Variants in ACYP2 observed in about 807,000 individuals in gnomAD.
ACYP2 encodes acylphosphatase-2.
In ACYP2, 12 loss-of-function variants were observed where a neutral mutation model predicts 11.2. That is an observed-to-expected ratio of 1.08 (90% CI 0.69 to 1.74). The LOEUF (loss-of-function observed/expected upper bound fraction) is 1.74, where lower values mean the gene tolerates loss of function less well. Among genes scored for constraint, ACYP2 ranks in the 40% most tolerant of loss-of-function variants. ACYP2 has a pLI of 0.00. For missense variants in ACYP2, 134 were observed against 101.9 expected, an observed-to-expected ratio of 1.31 and a Z score of -1.35; for synonymous variants, 43 against 32.2, an observed-to-expected ratio of 1.33 and a Z score of -1.13.
At chr2:54,042,240 A>G (rs1675271032) in intron 2 of ACYP2, among the ~76,000 whole-genome samples, 1 of 152,196 alleles carries the variant, frequency 6.6e-6, no homozygotes, top group Non-Finnish European at 1.5e-5. Context: ...TCTCAACCTC[A>G]GGTGATCCCC....
chr2:54,165,500 GTC>G (rs1277632665), intron 6 of ACYP2, among the ~76,000 whole-genome samples: 1 of 121,518 alleles, frequency 8.2e-6, no homozygotes, highest in Non-Finnish European at 1.8e-5. Flanking sequence ...GTCTCTCTCT[GTC>G]TCTCTCTCTT....
At chr2:54,207,171 ATATGTGT>A (rs1685107886) in intron 6 of ACYP2, among the ~76,000 whole-genome samples, 18 of 68,490 alleles carry the variant, frequency 2.6e-4, no homozygotes, top group Admixed American at 2.2e-3. Flanking sequence ...TACAACATGT[ATATGTGT>A]GTGTGTGTGT....
At chr2:54,275,621 G>C (rs1688523711) in intron 6 of ACYP2, among the ~76,000 whole-genome samples, 1 of 152,200 alleles carries the variant, frequency 6.6e-6, no homozygotes, top group South Asian at 2.1e-4. Context: ...CCAAGGCTTT[G>C]ACAGGGAGAA....
intron 2 of ACYP2, among the ~76,000 whole-genome samples, chr2:54,039,224 T>TG (rs1320395849): frequency 6.6e-6 from 1 of 151,656 alleles, no homozygotes; most frequent in African/African-American, 2.4e-5. Context: ...GAAGTTTTTT[T>TG]TTTTTTTTTT....
At chr2:54,202,170 G>C (rs2103912304) in intron 6 of ACYP2, among the ~76,000 whole-genome samples, 1 of 152,250 alleles carries the variant, frequency 6.6e-6, no homozygotes, top group Non-Finnish European at 1.5e-5. Flanking sequence ...AGATCGTGCA[G>C]TGGCACGATC....
intron 6 of ACYP2, among the ~76,000 whole-genome samples, chr2:54,251,638 T>C (rs535429814): frequency 2.0e-5 from 3 of 152,294 alleles, no homozygotes; most frequent in African/African-American, 7.2e-5. Context: ...TTTCTGCATA[T>C]CTTGTGAGCA....
At chr2:54,234,944 C>G in intron 6 of ACYP2, among the ~76,000 whole-genome samples, 1 of 152,088 alleles carries the variant, frequency 6.6e-6, no homozygotes, top group Middle Eastern at 3.2e-3. Context: ...ATGTCTTATC[C>G]TTCTTAGTGC....
chr2:54,157,626 C>A (rs1396367879), intron 6 of ACYP2, among the ~76,000 whole-genome samples: 1 of 151,910 alleles, frequency 6.6e-6, no homozygotes, highest in African/African-American at 2.4e-5. Context: ...TCAGCAGTGA[C>A]CAAGAAATAA....
chr2:54,125,051 C>A (rs1034898914), intron 4 of ACYP2, among the ~76,000 whole-genome samples: 1 of 152,078 alleles, frequency 6.6e-6, no homozygotes, highest in Non-Finnish European at 1.5e-5. Context: ...CCATGCCCTG[C>A]CCCAAATGCT....
At chr2:53,975,251 C>G in intron 2 of ACYP2, 1 of 397,888 alleles carries the variant, frequency 2.5e-6, no homozygotes, top group East Asian at 3.6e-5. Context: ...TTCAGAGAAG[C>G]AGTTCCAGAT....
rs189038897 is a variant in ACYP2, at chr2:54,064,938, G to A, written c.277+7578G>A. ...GTCTCTACTAAAAATACAAAAATTA[G>A]CCAGGTGTGGTGGCACAGGCCTGTA... On this transcript the variant is annotated intron_variant, in intron 4 of 6. Transcript: ENST00000607452. Among the ~76,000 whole-genome samples the A allele has an allele frequency of 9.8e-3, 1,495 of 152,186 alleles. 10 individuals are homozygous for A. The highest frequency in any genetic ancestry group is 0.014 in the Non-Finnish European group (949 of 68,004).
chr2:54,189,801 C>T (rs1282072210), intron 6 of ACYP2, among the ~76,000 whole-genome samples: 2 of 152,124 alleles, frequency 1.3e-5, no homozygotes, highest in East Asian at 3.9e-4. Flanking sequence ...TACATAATGG[C>T]TGCACCAATC....
intron 4 of ACYP2, among the ~76,000 whole-genome samples, chr2:54,130,350 C>T (rs1345630841): frequency 1.3e-5 from 2 of 152,126 alleles, no homozygotes; most frequent in Non-Finnish European, 2.9e-5. Context: ...GGAGGCATAT[C>T]TGGCTGGAAT....
chr2:54,088,431 G>A (rs966516941), intron 4 of ACYP2, among the ~76,000 whole-genome samples: 13 of 152,170 alleles, frequency 8.5e-5, no homozygotes, highest in African/African-American at 2.9e-4. Context: ...GAGCCCGTAC[G>A]TTATTCACCA....
At chr2:53,982,136 C>G (rs1440688051) in intron 2 of ACYP2, among the ~76,000 whole-genome samples, 1 of 152,126 alleles carries the variant, frequency 6.6e-6, no homozygotes, top group East Asian at 1.9e-4. Context: ...GACGTACACT[C>G]TTTCCACCTA....
chr2:53,971,162 C>A lies in ACYP2; in HGVS notation c.-196C>A. 5.3e-6 allele frequency: 1 copy of A among 189,568 alleles called. No homozygotes were observed. The highest frequency in any genetic ancestry group is 1.7e-4 in the South Asian group (1 of 6,050). 11.7% of individuals were successfully genotyped at this position (189,568 alleles called of 1,614,324 possible). ...GGCTGCGCCTTCTTCGCCGTGGGCC[C>A]GGCTCGGAGCCCCCACCCCAGGCCT... is the stretch of plus-strand genomic sequence containing the variant. On this transcript the variant is annotated 5_prime_UTR_variant, in exon 1 of 7. Coordinates refer to ENST00000607452, the MANE Select transcript of ACYP2 (RefSeq NM_001320586.2).
rs201645176 is a variant in ACYP2 at position 54,244,699 on chromosome 2, CTCTT to C, written c.405-59987_405-59984del. On this transcript the variant is annotated intron_variant, in intron 6 of 6. Transcript: ENST00000607452. ...TAGGAATTGTCCCCCTCATTTTATT[CTCTT>C]TTAGAGATTTCTTTGAAATCCTTGT... is the stretch of plus-strand genomic sequence containing the variant. 9.3e-3 allele frequency among the ~76,000 whole-genome samples: 1,418 copies of C among 152,124 alleles called. 15 individuals are homozygous for C. The highest frequency in any genetic ancestry group is 9.4e-3 in the Non-Finnish European group (641 of 67,982).
At chr2:54,088,003 C>T (rs1008834134) in intron 4 of ACYP2, among the ~76,000 whole-genome samples, 1 of 152,170 alleles carries the variant, frequency 6.6e-6, no homozygotes, top group African/African-American at 2.4e-5. Flanking sequence ...TGTGCTGTGA[C>T]ACAGATCCTA....
intron 6 of ACYP2, chr2:54,255,666 C>T (rs1687475099): frequency 6.2e-7 from 1 of 1,613,760 alleles, no homozygotes; most frequent in Admixed American, 1.7e-5. Context: ...GCTTCTCATC[C>T]ACTGGGGCTG....
Sources: gnomAD v4.1 joint callset for allele counts (sites outside exome capture counted in the v4.1 genomes callset) on GRCh38, gnomAD v4.1.1 for gene constraint, MANE v1.5 for transcripts, NCBI Gene and HGNC (gene_info 2026-07-23, HGNC 2026-07-21) for gene names.